CPLANE1: variants seen among roughly 807,000 people sequenced by gnomAD.
The protein encoded by CPLANE1 is ciliogenesis and planar polarity effector 1.
CPLANE1 carries 263 observed loss-of-function variants against 362.5 expected under a neutral mutation model. That is an observed-to-expected ratio of 0.73 (90% CI 0.66 to 0.80). The LOEUF (loss-of-function observed/expected upper bound fraction) is 0.80, where lower values mean the gene tolerates loss of function less well. CPLANE1 is among the 30% of genes least tolerant of loss of function. CPLANE1 has a pLI of 0.00. For missense variants in CPLANE1, 3,461 were observed against 3,793.4 expected, an observed-to-expected ratio of 0.91 and a Z score of 2.30; for synonymous variants, 1,212 against 1,302.6, an observed-to-expected ratio of 0.93 and a Z score of 1.50.
Position 37,187,783 on chromosome 5 carries a change from A to G in CPLANE1, c.3871T>C (p.Tyr1291His). 2 of 1,613,966 alleles carry G rather than the reference A, an allele frequency of 1.2e-6. No individual in the cohort carries two copies. Among genetic ancestry groups the G allele is most frequent in the Non-Finnish European group, 1.7e-6 (2 of 1,179,896 alleles). ...WMLHVRDKLSYSCRQYQKARE... is the reference protein window; with the variant it reads ...WMLHVRDKLSHSCRQYQKARE... Reference sequence around the variant, plus strand: ...GCTTTCTGATATTGCCTGCAACTATAGGATAACTTATCACGGACATGCAGC... The same window carrying G: ...GCTTTCTGATATTGCCTGCAACTATGGGATAACTTATCACGGACATGCAGC... The change falls in exon 22 of 53, where the codon TAT becomes CAT. Residue 1291 changes from tyrosine to histidine, a missense_variant. Tyr to His is a moderately conservative substitution (Grantham distance 83, BLOSUM62 2). This residue lies in a region of CPLANE1 where 3,380 missense variants were observed against 3,666.1 expected (regional missense o/e 0.92). Transcript: ENST00000651892.
Position 37,180,927 on chromosome 5 carries a change from C to A in CPLANE1, c.5500G>T (p.Val1834Phe). 1 of 1,614,030 alleles carries A rather than the reference C, an allele frequency of 6.2e-7. No individual in the cohort carries two copies. ...GTTCCACCTGGAGTTGCTACTGCAA[C>A]TGAACCGCCAGCATCTGATTTGCTC... ...RESKSDAGGS[V>F]AVATPGGTEE... The change falls in exon 27 of 53, where the codon GTT becomes TTT. Residue 1834 changes from valine to phenylalanine, a missense_variant. Physicochemically the swap from Val to Phe is conservative, Grantham distance 50. Coordinates refer to ENST00000651892, the MANE Select transcript of CPLANE1 (RefSeq NM_001384732.1).
intron 30 of CPLANE1, 70 bp from the exon 31 acceptor site, chr5:37,176,056 T>A: frequency 1.0e-6 from 1 of 986,970 alleles, no homozygotes; most frequent in Non-Finnish European, 1.6e-6. Flanking sequence ...ATGAGTGATC[T>A]ATGCTCAGCC....
At chr5:37,205,819 T>A (rs1237874437) in intron 17 of CPLANE1, among the ~76,000 whole-genome samples, 2 of 152,202 alleles carry the variant, frequency 1.3e-5, no homozygotes, top group Admixed American at 1.3e-4. Context: ...GCTCAAGTGA[T>A]CTTCCCACCT....
intron 42 of CPLANE1, among the ~76,000 whole-genome samples, chr5:37,148,995 G>A (rs1772641932): frequency 6.6e-6 from 1 of 152,182 alleles, no homozygotes; most frequent in African/African-American, 2.4e-5. Flanking sequence ...AGATTGCAGT[G>A]AGCCAAGATT....
intron 35 of CPLANE1, 62 bp downstream of exon 35, chr5:37,166,985 A>G: frequency 1.5e-6 from 2 of 1,315,110 alleles, no homozygotes; most frequent in Non-Finnish European, 2.2e-6. Flanking sequence ...CTGTGTGATT[A>G]TAAATAATAA....
chr5:37,165,573 T>A lies in CPLANE1; in HGVS notation c.7499A>T (p.Asn2500Ile). ...VTFRPENSII[N>I]NDDSEIIKKP... ...CTTAATGATTTCTGAATCATCATTATTAATTATGGAATTCTCTGGTCGAAA... is the reference window on the plus strand; with the variant it reads ...CTTAATGATTTCTGAATCATCATTAATAATTATGGAATTCTCTGGTCGAAA... Residue 2500 changes from asparagine to isoleucine, a missense_variant, in exon 36 of 53, where the codon AAT (asparagine) becomes ATT (isoleucine). By Grantham distance (149) the Asn-to-Ile change is moderately radical (BLOSUM62 -3). Coordinates refer to ENST00000651892, the MANE Select transcript of CPLANE1 (RefSeq NM_001384732.1). 6.2e-7 allele frequency: 1 copy of A among 1,608,678 alleles called. No individual in the cohort carries two copies. The highest frequency in any genetic ancestry group is 8.5e-7 in the Non-Finnish European group (1 of 1,178,620).
the CPLANE1 span, among the ~76,000 whole-genome samples, chr5:37,081,432 C>T: frequency 1.3e-5 from 2 of 152,052 alleles, no homozygotes; most frequent in African/African-American, 4.8e-5. Flanking sequence ...AAGTGATTCT[C>T]CTTGTTCAGC....
chr5:37,211,585 C>T lies in CPLANE1; in HGVS notation c.2920+1974G>A, dbSNP rs891264233. On this transcript the variant is annotated intron_variant, in intron 16 of 52. Transcript: ENST00000651892. ...AGACGCCTCTCCTCCACACCCCTTC[C>T]AAAAGCAAAAAGAAGCCTTGAAAGT... 6.2e-6 allele frequency: 6 copies of T among 971,636 alleles called. No individual in the cohort carries two copies. In the African/African-American group the frequency reaches 8.0e-5, roughly 13 times the overall value. The allele number at this position is 971,636 out of a possible 1,614,324, so 60.2% of individuals were successfully genotyped here.
At position 37,142,504 on chromosome 5, in the gene CPLANE1, TTAAAA is replaced by T. The variant is rs149479530; in HGVS notation, c.8462-29_8462-25del. ...CACTAATCCAGAGTATATATTACAA[TTAAAA>T]TAAAATAGTAGAGGAAAAAAGATCA... On this transcript the variant is annotated intron_variant, in intron 43 of 52. Coordinates refer to ENST00000651892, the MANE Select transcript of CPLANE1 (RefSeq NM_001384732.1). 3,220 of 1,408,492 alleles carry T rather than the reference TTAAAA, an allele frequency of 2.3e-3. 64 individuals carry two copies. In the African/African-American group the frequency reaches 0.042, roughly 18 times the overall value. 87.2% of individuals were successfully genotyped at this position (1,408,492 alleles called of 1,614,324 possible).
chr5:37,091,997 T>C, the CPLANE1 span, among the ~76,000 whole-genome samples: 1 of 152,188 alleles, frequency 6.6e-6, no homozygotes, highest in Non-Finnish European at 1.5e-5. Context: ...TTCAGATAAT[T>C]TGTTCCTTGC....
At chr5:37,113,355 A>G (rs1458500400) in intron 51 of CPLANE1, among the ~76,000 whole-genome samples, 1 of 152,216 alleles carries the variant, frequency 6.6e-6, no homozygotes, top group Non-Finnish European at 1.5e-5. Context: ...CCACCATGTA[A>G]GACTTGCCTT....
At chr5:37,140,482 T>C (rs574155292) in intron 44 of CPLANE1, 2 of 983,852 alleles carry the variant, frequency 2.0e-6, no homozygotes, top group East Asian at 1.1e-4. Flanking sequence ...AAGATTAGCG[T>C]AATAGTAATA....
At chr5:37,172,870 C>T (rs1051095477) in intron 32 of CPLANE1, among the ~76,000 whole-genome samples, 1 of 152,122 alleles carries the variant, frequency 6.6e-6, no homozygotes, top group African/African-American at 2.4e-5. Context: ...CCTATAATCC[C>T]AGCTACTCAG....
intron 32 of CPLANE1, among the ~76,000 whole-genome samples, chr5:37,171,323 G>C (rs531773267): frequency 6.6e-6 from 1 of 152,140 alleles, no homozygotes; most frequent in African/African-American, 2.4e-5. Flanking sequence ...CACAAACTTC[G>C]GCATGCATCA....
In CPLANE1 at chr5:37,226,899, T is replaced by C. The variant is rs756254995; in HGVS notation, c.1696A>G (p.Ile566Val). The change falls in exon 12 of 53, where the codon ATT (isoleucine) becomes GTT (valine). Residue 566 changes from isoleucine (I) to valine (V), a missense_variant. Ile to Val is a conservative substitution (Grantham distance 29). This residue lies in a region of CPLANE1 where 3,380 missense variants were observed against 3,666.1 expected (regional missense o/e 0.92). Coordinates refer to ENST00000651892, the MANE Select transcript of CPLANE1 (RefSeq NM_001384732.1). ...KDDSEETDRT[I>V]TELHSIQKSL... ...TTCTGGATAGAATGCAGTTCTGTAA[T>C]GGTTCTATCTGTCTCCTCACTATCA... is the stretch of plus-strand genomic sequence containing the variant. 1.3e-6 allele frequency: 2 copies of C among 1,551,744 alleles called. No individual in the cohort carries two copies. Among genetic ancestry groups the C allele is most frequent in the African/African-American group, 2.7e-5 (2 of 73,174 alleles).
At chr5:37,247,499 A>G in intron 2 of CPLANE1, 119 bp downstream of exon 2, 2 of 825,838 alleles carry the variant, frequency 2.4e-6, no homozygotes, top group East Asian at 2.8e-5. Context: ...CCTCCTGTAG[A>G]TCCTCCTCCA....
In CPLANE1 at chr5:37,107,137, C is replaced by T. The variant is rs886060570; in HGVS notation, c.*465G>A. On this transcript the variant is annotated 3_prime_UTR_variant, in exon 53 of 53. Transcript: ENST00000651892. ...TTTCTTTTCACTCCTAGGCTAAACCCTGCATAGGTGTTTTAAAATAGGGTT... is the reference window on the plus strand; with the variant it reads ...TTTCTTTTCACTCCTAGGCTAAACCTTGCATAGGTGTTTTAAAATAGGGTT... The T allele has an allele frequency of 4.1e-6, 4 of 985,206 alleles. No homozygotes were observed. Among genetic ancestry groups the T allele is most frequent in the Non-Finnish European group, 4.8e-6 (4 of 829,852 alleles). 61.0% of individuals were successfully genotyped at this position (985,206 alleles called of 1,614,324 possible).
the CPLANE1 span, chr5:37,085,930 AGCAAC>A: frequency 3.0e-6 from 2 of 667,670 alleles, no homozygotes; most frequent in Non-Finnish European, 5.2e-6. Context: ...AAAAAAAAAA[AGCAAC>A]AGCAGTTTAA....
chr5:37,209,964 A>G lies in CPLANE1; in HGVS notation c.2921-3539T>C, dbSNP rs1401810825. The G allele has an allele frequency of 9.5e-7, 1 of 1,053,880 alleles. No individual in the cohort carries two copies. The highest frequency in any genetic ancestry group is 1.5e-6 in the Non-Finnish European group (1 of 671,768). 65.3% of individuals were successfully genotyped at this position (1,053,880 alleles called of 1,614,324 possible). A position where few individuals can be genotyped will look rare whatever the true frequency, so the allele number is the denominator to read the frequency against. On this transcript the variant is annotated intron_variant, in intron 16 of 52. Transcript: ENST00000651892. This position sits in a 1 kb window ranked among gnomAD's most constrained non-coding sequence, Gnocchi z 4.6. ...GTTTGAGTCTTTAGAAATAAAGCTA[A>G]ATGAATATAAGAGAGAAATAGAAGA...
Sources: allele counts gnomAD v4.1 joint callset (sites outside exome capture counted in the v4.1 genomes callset), GRCh38; gene constraint gnomAD v4.1.1; regional missense constraint gnomAD v4.1.1; non-coding constraint Gnocchi (gnomAD v3.1); transcripts MANE v1.5; gene names NCBI Gene and HGNC (gene_info 2026-07-23, HGNC 2026-07-21).